The following DNAJC17 variants were observed in gnomAD, a reference collection of about 807,000 sequenced individuals.
DNAJC17 encodes the protein DnaJ heat shock protein family (Hsp40) member C17, also known as dnaJ homolog subfamily C member 17.
A neutral mutation model predicts 48.1 loss-of-function variants in DNAJC17; 35 were observed. That is an observed-to-expected ratio of 0.73 (90% CI 0.56 to 0.96). DNAJC17 has a LOEUF of 0.96. Among genes scored for constraint, DNAJC17 ranks in the 50% least tolerant of loss-of-function variants. The probability of loss-of-function intolerance (pLI) is 0.00; values close to 1 mark genes in which losing one functional copy is unlikely to be tolerated. For missense variants in DNAJC17, 355 were observed against 377.1 expected, an observed-to-expected ratio of 0.94 and a Z score of 0.48; for synonymous variants, 117 against 142.7, an observed-to-expected ratio of 0.82 and a Z score of 1.28.
chr15:40,801,923 C>T (rs750851235), intron 1 of DNAJC17, among the ~76,000 whole-genome samples: 1 of 152,024 alleles, frequency 6.6e-6, no homozygotes, highest in African/African-American at 2.4e-5. Context: ...TCTAAACATT[C>T]AGCTGAGTGG....
chr15:40,770,838 T>TCTCTGTC lies in DNAJC17; in HGVS notation c.793-2783_793-2777dup. ...CTCTGCCACCCTGCCATCGGCGCTC[T>TCTCTGTC]CTCTGTCGAGTGCCCTCCACCAGCA... On this transcript the variant is annotated intron_variant, in intron 10 of 10. Transcript: ENST00000220496. This position sits in a 1 kb window ranked among gnomAD's most constrained non-coding sequence, Gnocchi z 5.0. 2.6e-6 allele frequency: 4 copies of TCTCTGTC among 1,551,406 alleles called. No individual in the cohort carries two copies. Among genetic ancestry groups the TCTCTGTC allele is most frequent in the Non-Finnish European group, 3.5e-6 (4 of 1,146,976 alleles).
chr15:40,775,549 T>C lies in DNAJC17; in HGVS notation c.522+4A>G, dbSNP rs1432300567. ...GGTGGCCCACAGATCCTGCCCAGGCTCACCTTTAGTTTGGGGGTTCCTTGG... is the reference window on the plus strand; with the variant it reads ...GGTGGCCCACAGATCCTGCCCAGGCCCACCTTTAGTTTGGGGGTTCCTTGG... On this transcript the variant is annotated splice_donor_region_variant and intron_variant, in intron 7 of 10. Transcript: ENST00000220496. 6.2e-7 allele frequency: 1 copy of C among 1,613,846 alleles called. No individual in the cohort carries two copies. The highest frequency in any genetic ancestry group is 2.2e-5 in the East Asian group (1 of 44,890).
rs749320471 is a variant in DNAJC17 at position 40,770,695 on chromosome 15, G to A, written c.793-2633C>T. On this transcript the variant is annotated intron_variant, in intron 10 of 10. Coordinates refer to ENST00000220496, the MANE Select transcript of DNAJC17 (RefSeq NM_018163.3). This position sits in a 1 kb window ranked among gnomAD's most constrained non-coding sequence, Gnocchi z 5.0. ...CCAGATGGCCGGCGCCTGCCACTGT[G>A]GGGGGACGAGCAGCCCCGGGCCACC... 1.9e-6 allele frequency: 3 copies of A among 1,547,826 alleles called. No individual in the cohort carries two copies. The highest frequency in any genetic ancestry group is 1.7e-4 in the Middle Eastern group (1 of 5,984).
chr15:40,780,919 G>A (rs1889468856), intron 1 of DNAJC17, among the ~76,000 whole-genome samples: 1 of 152,008 alleles, frequency 6.6e-6, no homozygotes, highest in African/African-American at 2.4e-5. Context: ...GGCTGAGGCG[G>A]GTGGATCACT....
intron 1 of DNAJC17, among the ~76,000 whole-genome samples, chr15:40,800,645 A>T (rs1415495086): frequency 6.7e-6 from 1 of 150,160 alleles, no homozygotes; most frequent in Non-Finnish European, 1.5e-5. Flanking sequence ...TTTTTTCTAC[A>T]ATCATTTAAA....
Position 40,766,181 on chromosome 15 carries a change from C to G in DNAJC17, c.*1759G>C. 3.3e-6 allele frequency: 1 copy of G among 305,576 alleles called. No individual in the cohort carries two copies. The highest frequency in any genetic ancestry group is 6.1e-6 in the Non-Finnish European group (1 of 165,204). The allele number at this position is 305,576 out of a possible 1,614,324, so 18.9% of individuals were successfully genotyped here. The stretch of plus-strand genomic sequence containing the variant: ...CAGAGTCCGTTCCCTGGGTCTAGGA[C>G]TCCACTAGCAGACTGTTCCTTGCCC... On this transcript the variant is annotated 3_prime_UTR_variant, in exon 11 of 11. Transcript: ENST00000220496.
intron 4 of DNAJC17, among the ~76,000 whole-genome samples, chr15:40,778,646 T>C (rs1020593690): frequency 6.6e-6 from 1 of 152,106 alleles, no homozygotes; most frequent in Non-Finnish European, 1.5e-5. Context: ...CTATAAAAAA[T>C]GGCTTCAGAG....
chr15:40,776,676 T>C (rs1388792231), intron 4 of DNAJC17, 49 bp from the exon 5 acceptor site: 4 of 1,602,194 alleles, frequency 2.5e-6, no homozygotes, highest in African/African-American at 2.7e-5. Context: ...TCAGTTTCCA[T>C]GTGGCCTCGG....
Position 40,770,361 on chromosome 15 carries a change from G to T in DNAJC17, c.793-2299C>A. 1 of 836,284 alleles carries T rather than the reference G, an allele frequency of 1.2e-6. No individual in the cohort carries two copies. The highest frequency in any genetic ancestry group is 1.8e-6 in the Non-Finnish European group (1 of 550,196). 51.8% of individuals were successfully genotyped at this position (836,284 alleles called of 1,614,324 possible). A position where few individuals can be genotyped will look rare whatever the true frequency, so the allele number is the denominator to read the frequency against. On this transcript the variant is annotated intron_variant, in intron 10 of 10. Coordinates refer to ENST00000220496, the MANE Select transcript of DNAJC17 (RefSeq NM_018163.3). The surrounding 1 kb of genome is among the most constrained non-coding windows in gnomAD (Gnocchi z 5.0). The stretch of plus-strand genomic sequence containing the variant: ...CTCACCATCCAAGATGTGGTCAAAG[G>T]TCTGTGCTGAGTGGAAACCCTGAGG...
chr15:40,805,328 A>T (rs1890176178), intron 1 of DNAJC17, among the ~76,000 whole-genome samples: 1 of 146,486 alleles, frequency 6.8e-6, no homozygotes, highest in Non-Finnish European at 1.5e-5. Context: ...GTGAGCCGAG[A>T]TCATGCCACT....
chr15:40,798,004 G>C (rs1203873522), intron 1 of DNAJC17, among the ~76,000 whole-genome samples: 2 of 151,238 alleles, frequency 1.3e-5, no homozygotes, highest in African/African-American at 2.4e-5. Context: ...TTACAGGTAT[G>C]AGCCACCACA....
Position 40,766,664 on chromosome 15 carries a change from C to T in DNAJC17, c.*1276G>A, listed in dbSNP as rs908039548. On this transcript the variant is annotated 3_prime_UTR_variant, in exon 11 of 11. Transcript: ENST00000220496. ...GTCTTTCAGCATCAATTAAACCTGA[C>T]AGAAGGACTACCAGCACTCTCCATG... is the stretch of plus-strand genomic sequence containing the variant. 6.6e-6 allele frequency: 1 copy of T among 152,376 alleles called. No individual in the cohort carries two copies. The highest frequency in any genetic ancestry group is 1.5e-5 in the Non-Finnish European group (1 of 68,132). The allele number at this position is 152,376 out of a possible 1,614,324, so 9.4% of individuals were successfully genotyped here.
At chr15:40,784,926 C>T (rs1357707081) in intron 1 of DNAJC17, among the ~76,000 whole-genome samples, 3 of 152,184 alleles carry the variant, frequency 2.0e-5, no homozygotes, top group Admixed American at 1.3e-4. Flanking sequence ...GGTGAAACCC[C>T]GTCGCTACTA....
intron 9 of DNAJC17, 197 bp downstream of exon 9, chr15:40,774,159 G>A: frequency 1.5e-6 from 1 of 648,034 alleles, no homozygotes; most frequent in Non-Finnish European, 2.7e-6. Context: ...TCTCCCCAGA[G>A]CACCCCCCAT....
chr15:40,792,817 T>C (rs990603207), intron 1 of DNAJC17, among the ~76,000 whole-genome samples: 3 of 151,726 alleles, frequency 2.0e-5, no homozygotes, highest in Non-Finnish European at 4.4e-5. Context: ...TGGATGGTCG[T>C]GGAAAATTTT....
chr15:40,791,154 G>T (rs1861843161), intron 1 of DNAJC17, among the ~76,000 whole-genome samples: 1 of 152,102 alleles, frequency 6.6e-6, no homozygotes, highest in South Asian at 2.1e-4. Flanking sequence ...CCTGGACAAT[G>T]TAGGGAGACC....
chr15:40,767,272 C>T lies in DNAJC17; in HGVS notation c.*668G>A, dbSNP rs779227677. ...CCCTCCCCGCATAGTCCTGGACAAG[C>T]TGGAACGCAGGGGCTTCCGTGTGCT... On this transcript the variant is annotated 3_prime_UTR_variant, in exon 11 of 11. Transcript: ENST00000220496. The T allele has an allele frequency of 6.2e-7, 1 of 1,604,572 alleles. No individual in the cohort carries two copies. The highest frequency in any genetic ancestry group is 1.7e-5 in the Admixed American group (1 of 59,034).
chr15:40,807,336 C>G lies in DNAJC17; in HGVS notation c.78+33G>C. 1.9e-6 allele frequency: 3 copies of G among 1,614,298 alleles called. No homozygotes were observed. The South Asian group carries it at 3.3e-5, about 18-fold the overall frequency. On this transcript the variant is annotated intron_variant, in intron 1 of 10. Transcript: ENST00000220496. Reference sequence around the variant, plus strand: ...TAGGACAGGAAGGACCGCCAGACCTCTCAAGATCAGCCTTCCTCGCCACCG... The same window carrying G: ...TAGGACAGGAAGGACCGCCAGACCTGTCAAGATCAGCCTTCCTCGCCACCG...
chr15:40,793,139 C>T (rs942679027), intron 1 of DNAJC17, among the ~76,000 whole-genome samples: 2 of 148,462 alleles, frequency 1.3e-5, no homozygotes, highest in Admixed American at 6.8e-5. Flanking sequence ...GTGATCTGCC[C>T]GCCTCGGCCT....
Sources: gnomAD v4.1 joint callset for allele counts (sites outside exome capture counted in the v4.1 genomes callset) on GRCh38, gnomAD v4.1.1 for gene constraint, Gnocchi (gnomAD v3.1) non-coding constraint, MANE v1.5 for transcripts, NCBI Gene and HGNC (gene_info 2026-07-23, HGNC 2026-07-21) for gene names.